The following PTPRM variants were observed in gnomAD, a reference collection of about 807,000 sequenced individuals.
PTPRM encodes protein tyrosine phosphatase receptor type M.
Under a neutral mutation model 186.7 loss-of-function variants are expected in PTPRM, and 47 were observed. That is an observed-to-expected ratio of 0.25 (90% CI 0.20 to 0.32). PTPRM has a LOEUF of 0.32. Ranked by LOEUF, PTPRM falls within the 10% of genes least tolerant of loss-of-function variation. The probability of loss-of-function intolerance (pLI) is 1.00; values close to 1 mark genes in which losing one functional copy is unlikely to be tolerated. For synonymous variants in PTPRM, 668 were observed against 674.9 expected, an observed-to-expected ratio of 0.99 and a Z score of 0.16; for missense variants, 1,494 against 1,865.0, an observed-to-expected ratio of 0.80 and a Z score of 3.66.
chr18:7,609,348 G>A (rs1288910314), intron 1 of PTPRM, among the ~76,000 whole-genome samples: 8 of 152,150 alleles, frequency 5.3e-5, no homozygotes. Context: ...TAGGGGGACA[G>A]CAGCATAGGT....
intron 20 of PTPRM, among the ~76,000 whole-genome samples, chr18:8,300,796 C>T (rs1417056995): frequency 6.6e-6 from 1 of 152,080 alleles, no homozygotes; most frequent in Non-Finnish European, 1.5e-5. Context: ...GGGACAGTGT[C>T]AAAAAGAGAC....
At chr18:8,123,840 A>T (rs930935072) in intron 13 of PTPRM, among the ~76,000 whole-genome samples, 2 of 152,224 alleles carry the variant, frequency 1.3e-5, no homozygotes, top group Non-Finnish European at 2.9e-5. Flanking sequence ...CCCCAGACTC[A>T]TCAGTACATT....
chr18:8,339,650 C>G (rs1440824079), intron 22 of PTPRM, among the ~76,000 whole-genome samples: 1 of 152,176 alleles, frequency 6.6e-6, no homozygotes, highest in East Asian at 1.9e-4. Flanking sequence ...TTCCCCCTGT[C>G]TTTAGGTCCT....
intron 1 of PTPRM, among the ~76,000 whole-genome samples, chr18:7,745,658 A>G (rs2040971079): frequency 6.6e-6 from 1 of 152,234 alleles, no homozygotes; most frequent in South Asian, 2.1e-4. Context: ...GGCAGAAGAC[A>G]ATCACCATTA....
intron 19 of PTPRM, among the ~76,000 whole-genome samples, chr18:8,264,768 C>A (rs1334347306): frequency 7.8e-6 from 1 of 128,942 alleles, no homozygotes; most frequent in Non-Finnish European, 1.6e-5. Context: ...GAGCAAGACT[C>A]CATCTCAAAA....
At chr18:8,278,497 T>A (rs945711364) in intron 19 of PTPRM, among the ~76,000 whole-genome samples, 2 of 152,194 alleles carry the variant, frequency 1.3e-5, no homozygotes, top group African/African-American at 4.8e-5. Context: ...AACCTCACCC[T>A]TCACTTCTGA....
At chr18:8,057,521 T>A in intron 7 of PTPRM, among the ~76,000 whole-genome samples, 1 of 141,458 alleles carries the variant, frequency 7.1e-6, no homozygotes, top group African/African-American at 2.7e-5. Context: ...GTTACATATG[T>A]ATACATGTGC....
At chr18:7,919,107 G>A (rs1215832868) in intron 4 of PTPRM, among the ~76,000 whole-genome samples, 2 of 152,094 alleles carry the variant, frequency 1.3e-5, no homozygotes, top group East Asian at 1.9e-4. Context: ...GGCTACAAAT[G>A]CGTAGATTTA....
intron 1 of PTPRM, among the ~76,000 whole-genome samples, chr18:7,701,531 T>G (rs1057497055): frequency 2.0e-5 from 3 of 151,086 alleles, no homozygotes; most frequent in African/African-American, 7.3e-5. Context: ...ACCTGGGAGG[T>G]GGAGGTTGCA....
At position 8,388,356 on chromosome 18, in the gene PTPRM, G is replaced by C. The variant is rs573319245; in HGVS notation, c.4208+1121G>C. Among the ~76,000 whole-genome samples, 12 of 152,252 alleles carry C rather than the reference G, an allele frequency of 7.9e-5. No homozygotes were observed. The South Asian group carries it at 2.1e-3, about 26-fold the overall frequency. ...TCCGGGTAGATCAAGCCTAGTTAAAGTTGCAGACCTGGCTCAGGGCGTGGG... is the reference window on the plus strand; with the variant it reads ...TCCGGGTAGATCAAGCCTAGTTAAACTTGCAGACCTGGCTCAGGGCGTGGG... On this transcript the variant is annotated intron_variant, in intron 31 of 32. Transcript: ENST00000580170.
intron 2 of PTPRM, among the ~76,000 whole-genome samples, chr18:7,833,462 A>G (rs866496765): frequency 4.6e-5 from 7 of 152,144 alleles, no homozygotes; most frequent in Non-Finnish European, 1.0e-4. Context: ...GGCCAGGTGC[A>G]GTGGCCCATG....
At chr18:7,957,448 C>A (rs1470521062) in intron 7 of PTPRM, among the ~76,000 whole-genome samples, 1 of 152,174 alleles carries the variant, frequency 6.6e-6, no homozygotes, top group Non-Finnish European at 1.5e-5. Flanking sequence ...TATGAAACCT[C>A]ACCTAAACCA....
At position 8,231,273 on chromosome 18, in the gene PTPRM, A is replaced by G. The variant is rs575055236; in HGVS notation, c.2301-12785A>G. On this transcript the variant is annotated intron_variant, in intron 14 of 32. Coordinates refer to ENST00000580170, the MANE Select transcript of PTPRM (RefSeq NM_001105244.2). ...GGCCTGTGACCTTGAATGGCAATAG[A>G]CCAGGACTGGGAGGAGCATCCATAT... is the stretch of plus-strand genomic sequence containing the variant. Among the ~76,000 whole-genome samples, 7 of 152,216 alleles carry G rather than the reference A, an allele frequency of 4.6e-5. No individual in the cohort carries two copies. The South Asian group carries it at 1.5e-3, about 32-fold the overall frequency.
chr18:8,172,634 G>A (rs182791060), intron 14 of PTPRM, among the ~76,000 whole-genome samples: 23 of 151,046 alleles, frequency 1.5e-4, no homozygotes, highest in African/African-American at 1.7e-4. Flanking sequence ...GCCAGCTGCC[G>A]ACATTTCTTG....
intron 5 of PTPRM, among the ~76,000 whole-genome samples, chr18:7,933,320 C>T (rs1022026331): frequency 6.6e-6 from 1 of 152,172 alleles, no homozygotes; most frequent in African/African-American, 2.4e-5. Flanking sequence ...TTGCTAAGAT[C>T]TACAGTAAGA....
intron 19 of PTPRM, among the ~76,000 whole-genome samples, chr18:8,266,621 T>A (rs1013269437): frequency 2.6e-5 from 4 of 152,164 alleles, no homozygotes; most frequent in African/African-American, 9.7e-5. Context: ...TGAAATATAA[T>A]CAAATTGGCT....
intron 17 of PTPRM, among the ~76,000 whole-genome samples, chr18:8,248,882 A>G (rs570185519): frequency 5.9e-5 from 9 of 152,362 alleles, no homozygotes; most frequent in Admixed American, 5.2e-4. Context: ...GAATGCATTT[A>G]AAGTATGAAA....
chr18:8,240,466 G>GC (rs2094403215), intron 14 of PTPRM, among the ~76,000 whole-genome samples: 1 of 56,034 alleles, frequency 1.8e-5, no homozygotes, highest in African/African-American at 8.5e-5. Context: ...AGAGAGAGAG[G>GC]GAGGGAGGGA....
intron 1 of PTPRM, among the ~76,000 whole-genome samples, chr18:7,695,267 T>C (rs2039819364): frequency 6.6e-6 from 1 of 152,230 alleles, no homozygotes; most frequent in African/African-American, 2.4e-5. Context: ...GAAAAATGTA[T>C]GCTTTAGATG....
Sources: gnomAD v4.1 joint callset for allele counts (sites outside exome capture counted in the v4.1 genomes callset) on GRCh38, gnomAD v4.1.1 for gene constraint, MANE v1.5 for transcripts, NCBI Gene and HGNC (gene_info 2026-07-23, HGNC 2026-07-21) for gene names.